The following DCC variants were observed in gnomAD, a reference collection of about 807,000 sequenced individuals.
DCC encodes netrin receptor DCC.
DCC carries 58 observed loss-of-function variants against 172.5 expected under a neutral mutation model. That is an observed-to-expected ratio of 0.34 (90% CI 0.27 to 0.42). The LOEUF (loss-of-function observed/expected upper bound fraction) is 0.42, where lower values mean the gene tolerates loss of function less well. DCC is among the 10% of genes least tolerant of loss of function. The pLI is 1.00. For synonymous variants in DCC, 709 were observed against 644.5 expected (o/e 1.10, Z -1.52); for missense variants, 1,740 against 1,791.0 (o/e 0.97, Z 0.51).
chr18:53,044,526 A>G (rs904143276), intron 5 of DCC, among the ~76,000 whole-genome samples: 1 of 151,770 alleles, frequency 6.6e-6, no homozygotes, highest in Non-Finnish European at 1.5e-5. Flanking sequence ...CTAGATATCT[A>G]AGACTCTTTA....
At chr18:52,760,113 G>C (rs894805085) in intron 2 of DCC, among the ~76,000 whole-genome samples, 1 of 152,216 alleles carries the variant, frequency 6.6e-6, no homozygotes, top group Admixed American at 6.5e-5. Flanking sequence ...AAGGAAAGAG[G>C]TTTAATTGAC....
chr18:52,743,901 T>G (rs907895434), intron 1 of DCC, among the ~76,000 whole-genome samples: 2 of 152,222 alleles, frequency 1.3e-5, no homozygotes, highest in Non-Finnish European at 2.9e-5. Flanking sequence ...TATTTGGTGG[T>G]GTTGCACTTG....
At chr18:53,170,591 A>G (rs916577856) in intron 8 of DCC, among the ~76,000 whole-genome samples, 9 of 152,128 alleles carry the variant, frequency 5.9e-5, no homozygotes, top group Non-Finnish European at 1.3e-4. Flanking sequence ...TTTCTTATGA[A>G]GTTGTGGTGG....
chr18:53,414,814 C>T lies in DCC; in HGVS notation c.3131-1310C>T, dbSNP rs369879109. Among the ~76,000 whole-genome samples the T allele has an allele frequency of 3.3e-5, 5 of 152,196 alleles. No homozygotes were observed. In the East Asian group the frequency reaches 9.6e-4, roughly 29 times the overall value. ...AGTGAGCTGAGATTGCACCACTGCA[C>T]TCCAGCCTGGGTGACAGAGCAATAA... On this transcript the variant is annotated intron_variant, in intron 20 of 28. Coordinates refer to ENST00000442544, the MANE Select transcript of DCC (RefSeq NM_005215.4).
intron 7 of DCC, among the ~76,000 whole-genome samples, chr18:53,094,390 G>T (rs1031409100): frequency 5.3e-5 from 8 of 152,174 alleles, no homozygotes; most frequent in African/African-American, 1.9e-4. Flanking sequence ...AGATCATAAA[G>T]CTACAAGTAT....
At chr18:52,750,031 C>G (rs537459864) in intron 1 of DCC, among the ~76,000 whole-genome samples, 1 of 152,160 alleles carries the variant, frequency 6.6e-6, no homozygotes, top group East Asian at 1.9e-4. Context: ...TGTTTCTTTT[C>G]TGGTAGAGGA....
At chr18:53,119,965 CTG>C (rs1420415084) in intron 7 of DCC, among the ~76,000 whole-genome samples, 1 of 151,828 alleles carries the variant, frequency 6.6e-6, no homozygotes, top group African/African-American at 2.4e-5. Context: ...TATATAAAAA[CTG>C]TTGATAATTC....
intron 1 of DCC, among the ~76,000 whole-genome samples, chr18:52,556,288 T>A (rs1465184800): frequency 1.3e-5 from 2 of 152,256 alleles, no homozygotes; most frequent in East Asian, 3.9e-4. Flanking sequence ...ATCATTGCCA[T>A]AACTATATTA....
chr18:53,203,238 T>C (rs914644146), intron 9 of DCC, among the ~76,000 whole-genome samples: 10 of 148,178 alleles, frequency 6.7e-5, no homozygotes, highest in South Asian at 2.1e-4. Flanking sequence ...TGTGTGTGCG[T>C]GTGTGTGTGT....
At position 52,966,115 on chromosome 18, in the gene DCC, C is replaced by T. The variant is rs980643725; in HGVS notation, c.985+40745C>T. Among the ~76,000 whole-genome samples the T allele has an allele frequency of 1.2e-4, 19 of 152,108 alleles. 1 individual carries two copies. The highest frequency in any genetic ancestry group is 5.9e-5 in the Non-Finnish European group (4 of 68,020). On this transcript the variant is annotated intron_variant, in intron 5 of 28. Coordinates refer to ENST00000442544, the MANE Select transcript of DCC (RefSeq NM_005215.4). ...TCCCAAAAAAATCCATAGATCATTT[C>T]CCATAGTAAACAAGCAATCCTATCT... is the stretch of plus-strand genomic sequence containing the variant.
chr18:52,794,164 T>A (rs1406969515), intron 2 of DCC, among the ~76,000 whole-genome samples: 1 of 152,192 alleles, frequency 6.6e-6, no homozygotes, highest in Non-Finnish European at 1.5e-5. Flanking sequence ...TTTTAGTTTT[T>A]TTTTATATTT....
intron 5 of DCC, among the ~76,000 whole-genome samples, chr18:52,997,920 A>AACTATCTGTAACCTCAGAGCC (rs1438485825): frequency 2.0e-5 from 3 of 152,000 alleles, no homozygotes; most frequent in African/African-American, 4.8e-5. Context: ...TCCTCAGAGC[A>AACTATCTGTAACCTCAGAGCC]ACTCTCTGTA....
intron 1 of DCC, among the ~76,000 whole-genome samples, chr18:52,494,294 C>T (rs868312388): frequency 9.2e-6 from 1 of 108,246 alleles, no homozygotes; most frequent in Non-Finnish European, 2.0e-5. Context: ...GTGTGTGTGT[C>T]TGTGCCTGTG....
intron 15 of DCC, among the ~76,000 whole-genome samples, chr18:53,366,856 G>A (rs1364260877): frequency 6.6e-6 from 1 of 152,188 alleles, no homozygotes; most frequent in East Asian, 1.9e-4. Context: ...GAACGTGTGA[G>A]CACTCAGGGT....
At chr18:52,898,284 T>C (rs780231074) in intron 2 of DCC, among the ~76,000 whole-genome samples, 1 of 152,186 alleles carries the variant, frequency 6.6e-6, no homozygotes, top group Non-Finnish European at 1.5e-5. Flanking sequence ...ATGTGGATCC[T>C]GATAGTCTGC....
chr18:52,820,999 G>C (rs1478505226), intron 2 of DCC, among the ~76,000 whole-genome samples: 1 of 151,958 alleles, frequency 6.6e-6, no homozygotes, highest in Non-Finnish European at 1.5e-5. Flanking sequence ...CTAAGAAGTG[G>C]GTTTACTCTG....
chr18:52,511,195 C>T (rs1036820468), intron 1 of DCC, among the ~76,000 whole-genome samples: 52 of 150,252 alleles, frequency 3.5e-4, no homozygotes, highest in African/African-American at 1.2e-3. Flanking sequence ...GCAGGGGAAT[C>T]GCTTCAACCT....
chr18:52,940,805 A>C (rs2040449834), intron 5 of DCC: 1 of 152,196 alleles, frequency 6.6e-6, no homozygotes, highest in Non-Finnish European at 1.5e-5. Flanking sequence ...GGAGTGTGGC[A>C]GTTCAAAAGG....
chr18:52,535,070 A>T (rs76821944), intron 1 of DCC, among the ~76,000 whole-genome samples: 7,350 of 152,232 alleles, frequency 0.048, 225 homozygotes, highest in Non-Finnish European at 0.059. Flanking sequence ...GTCTTTGAAA[A>T]GGTGGGACAT....
Sources: allele counts gnomAD v4.1 joint callset (sites outside exome capture counted in the v4.1 genomes callset), GRCh38; gene constraint gnomAD v4.1.1; transcripts MANE v1.5; gene names NCBI Gene and HGNC (gene_info 2026-07-23, HGNC 2026-07-21).